The following YIPF4 variants were observed in gnomAD, a reference collection of about 807,000 sequenced individuals.
YIPF4 encodes the protein protein YIPF4.
YIPF4 carries 18 observed loss-of-function variants against 29.4 expected under a neutral mutation model. The observed-to-expected ratio is 0.61, with a 90% confidence interval of 0.42 to 0.91. The LOEUF (loss-of-function observed/expected upper bound fraction) is 0.91, where lower values mean the gene tolerates loss of function less well. YIPF4 is among the 40% of genes least tolerant of loss of function. The probability of loss-of-function intolerance (pLI) is 0.00; values close to 1 mark genes in which losing one functional copy is unlikely to be tolerated. For missense variants in YIPF4, 279 were observed against 282.7 expected (o/e 0.99, Z 0.09); for synonymous variants, 115 against 104.7 (o/e 1.10, Z -0.60).
Position 32,306,632 on chromosome 2 carries a change from T to G in YIPF4, c.*1006T>G. 1.0e-6 allele frequency: 1 copy of G among 978,622 alleles called. No homozygotes were observed. The allele number at this position is 978,622 out of a possible 1,614,324, so 60.6% of individuals were successfully genotyped here. A position where few individuals can be genotyped will look rare whatever the true frequency, so the allele number is the denominator to read the frequency against. ...TGATATTTTAACAAGTATCAGGTAC[T>G]CTCTAACAAATGTACAGTTTTTGCT... On this transcript the variant is annotated 3_prime_UTR_variant, in exon 6 of 6. Transcript: ENST00000238831.
rs1558477136 is a variant in YIPF4, at chr2:32,292,282, T to C, written c.339T>C (p.Pro113=). Residue 113 remains proline, a synonymous_variant, in exon 3 of 6, where the codon CCT becomes CCC. Transcript: ENST00000238831. ...GFNRQVVRDN[P]DFWGPLAVVL... ...ATAGACAAGTGGTGAGAGACAATCC[T>C]GACTTTTGGGGTCCTCTGGCTGTTG... The C allele has an allele frequency of 6.2e-7, 1 of 1,606,720 alleles. No homozygotes were observed. The highest frequency in any genetic ancestry group is 8.5e-7 in the Non-Finnish European group (1 of 1,175,886).
chr2:32,301,689 G>C (rs1003711970), intron 5 of YIPF4, among the ~76,000 whole-genome samples, 194 bp downstream of exon 5: 1 of 152,036 alleles, frequency 6.6e-6, no homozygotes, highest in Non-Finnish European at 1.5e-5. Flanking sequence ...AGATATTACT[G>C]TTTGTCTGGG....
At chr2:32,302,630 A>G (rs940066832) in intron 5 of YIPF4, among the ~76,000 whole-genome samples, 4 of 152,198 alleles carry the variant, frequency 2.6e-5, no homozygotes, top group South Asian at 2.1e-4. Flanking sequence ...TAACTTAAAC[A>G]TTGGAATTTA....
Position 32,278,135 on chromosome 2 carries a change from C to G in YIPF4, c.-21C>G, listed in dbSNP as rs757443057. On this transcript the variant is annotated 5_prime_UTR_variant, in exon 1 of 6. Transcript: ENST00000238831. ...CCAGCCGCAGCCTCTTCTACCGCGG[C>G]CGGTTGGGAGTCGCCGCGAGATGCA... The G allele has an allele frequency of 6.5e-6, 10 of 1,544,650 alleles. No individual in the cohort carries two copies. The highest frequency in any genetic ancestry group is 8.7e-6 in the Non-Finnish European group (10 of 1,145,674).
At chr2:32,282,000 C>T (rs2030438272) in intron 1 of YIPF4, among the ~76,000 whole-genome samples, 1 of 150,840 alleles carries the variant, frequency 6.6e-6, no homozygotes, top group Non-Finnish European at 1.5e-5. Context: ...GAGGTCTAGG[C>T]TGCAGTGAGC....
chr2:32,299,650 C>G (rs765286981), intron 4 of YIPF4, among the ~76,000 whole-genome samples: 5 of 151,496 alleles, frequency 3.3e-5, no homozygotes, highest in Non-Finnish European at 7.4e-5. Context: ...TAGGGAGACC[C>G]TATCTCTTTA....
Position 32,307,224 on chromosome 2 carries a change from C to A in YIPF4, c.*1598C>A. 2 of 1,015,342 alleles carry A rather than the reference C, an allele frequency of 2.0e-6. No individual in the cohort carries two copies. Among genetic ancestry groups the A allele is most frequent in the Non-Finnish European group, 2.6e-6 (2 of 756,468 alleles). 62.9% of individuals were successfully genotyped at this position (1,015,342 alleles called of 1,614,324 possible). A position where few individuals can be genotyped will look rare whatever the true frequency, so the allele number is the denominator to read the frequency against. ...AACATTTGTTACACTTAAGAAATTGCTGAGGTTAATACTTTGTTATAATGG... is the reference window on the plus strand; with the variant it reads ...AACATTTGTTACACTTAAGAAATTGATGAGGTTAATACTTTGTTATAATGG... On this transcript the variant is annotated 3_prime_UTR_variant, in exon 6 of 6. Coordinates refer to ENST00000238831, the MANE Select transcript of YIPF4 (RefSeq NM_032312.4).
chr2:32,292,157 T>G lies in YIPF4; in HGVS notation c.234-20T>G. 7.1e-7 allele frequency: 1 copy of G among 1,408,576 alleles called. No homozygotes were observed. The highest frequency in any genetic ancestry group is 9.3e-7 in the Non-Finnish European group (1 of 1,070,274). The allele number at this position is 1,408,576 out of a possible 1,614,324, so 87.3% of individuals were successfully genotyped here. ...TTCAGAAATGTGTGCCTTTTGAGAATTTTTATTTTAAAATTATAGGGAAGA... is the reference window on the plus strand; with the variant it reads ...TTCAGAAATGTGTGCCTTTTGAGAAGTTTTATTTTAAAATTATAGGGAAGA... On this transcript the variant is annotated intron_variant, in intron 2 of 5. Coordinates refer to ENST00000238831, the MANE Select transcript of YIPF4 (RefSeq NM_032312.4).
In YIPF4 at chr2:32,306,479, T is replaced by A. The variant is rs1178956938; in HGVS notation, c.*853T>A. ...AGTAAATATTTTTAAGTGGTACTTC[T>A]AAATCATAAAAGTTGGGGAAAGAGA... On this transcript the variant is annotated 3_prime_UTR_variant, in exon 6 of 6. Transcript: ENST00000238831. The A allele has an allele frequency of 1.0e-6, 1 of 983,628 alleles. No homozygotes were observed. The highest frequency in any genetic ancestry group is 1.2e-6 in the Non-Finnish European group (1 of 828,184). The allele number at this position is 983,628 out of a possible 1,614,324, so 60.9% of individuals were successfully genotyped here.
chr2:32,279,656 G>T (rs186933207), intron 1 of YIPF4, among the ~76,000 whole-genome samples: 2 of 150,058 alleles, frequency 1.3e-5, no homozygotes, highest in African/African-American at 4.9e-5. Flanking sequence ...TGATCCGTCC[G>T]CCTCGGCCTC....
intron 1 of YIPF4, among the ~76,000 whole-genome samples, chr2:32,283,074 CAAAA>C (rs78012507): frequency 4.4e-5 from 3 of 68,790 alleles, no homozygotes; most frequent in Admixed American, 1.7e-4. Context: ...GAGACTGTCT[CAAAA>C]AAAAAAAAAA....
At position 32,307,953 on chromosome 2, in the gene YIPF4, AAC is replaced by A. The variant is rs1210669345; in HGVS notation, c.*2328_*2329del. 4.0e-5 allele frequency: 6 copies of A among 149,414 alleles called. No homozygotes were observed. The highest frequency in any genetic ancestry group is 1.0e-4 in the African/African-American group (4 of 39,640). The allele number at this position is 149,414 out of a possible 1,614,324, so 9.3% of individuals were successfully genotyped here. On this transcript the variant is annotated 3_prime_UTR_variant, in exon 6 of 6. Transcript: ENST00000238831. ...CAAAAAAAAAAAAAAAAAAAAAAAA[AAC>A]CATGATTTGTAGATGTGTGCAAGAC...
Position 32,298,328 on chromosome 2 carries a change from G to T in YIPF4, c.483+17G>T. 1.3e-6 allele frequency: 2 copies of T among 1,563,330 alleles called. No homozygotes were observed. The highest frequency in any genetic ancestry group is 8.8e-7 in the Non-Finnish European group (1 of 1,137,866). ...GGTGGAGAAGTAAGTAGTTTATTTT[G>T]AAAATAATCTTCCTTATTTATGGTG... On this transcript the variant is annotated intron_variant, in intron 4 of 5. Transcript: ENST00000238831.
At chr2:32,301,235 T>C (rs2031392730) in intron 4 of YIPF4, 147 bp from the exon 5 acceptor site, 2 of 569,740 alleles carry the variant, frequency 3.5e-6, no homozygotes, top group Non-Finnish European at 6.2e-6. Flanking sequence ...CTATATGATA[T>C]TTTGAAATAA....
intron 1 of YIPF4, among the ~76,000 whole-genome samples, chr2:32,283,955 A>C (rs911163642): frequency 5.3e-5 from 8 of 152,018 alleles, no homozygotes; most frequent in Admixed American, 5.2e-4. Context: ...CCTGACCTCA[A>C]GTGATCCGCC....
intron 3 of YIPF4, 109 bp from the exon 4 acceptor site, chr2:32,298,125 C>T (rs555863000): frequency 9.0e-6 from 7 of 779,646 alleles, no homozygotes; most frequent in African/African-American, 1.7e-5. Context: ...CTCTCTATGA[C>T]CTGAAATTGG....
intron 3 of YIPF4, among the ~76,000 whole-genome samples, chr2:32,295,488 CTTGT>C (rs1378285556): frequency 6.6e-6 from 1 of 152,202 alleles, no homozygotes; most frequent in Non-Finnish European, 1.5e-5. Context: ...GAATCTGTTG[CTTGT>C]TTCTTTCACT....
intron 1 of YIPF4, among the ~76,000 whole-genome samples, chr2:32,280,661 C>G (rs796819500): frequency 4.6e-5 from 7 of 152,032 alleles, no homozygotes; most frequent in African/African-American, 1.7e-4. Context: ...GGATTACAGG[C>G]GTGAGCCACC....
intron 1 of YIPF4, among the ~76,000 whole-genome samples, chr2:32,284,072 CAATT>C (rs1411876861): frequency 1.3e-5 from 2 of 152,082 alleles, no homozygotes; most frequent in African/African-American, 4.8e-5. Context: ...GCCCTTCCAT[CAATT>C]AATTCATTCA....
Sources: gnomAD v4.1 joint callset for allele counts (sites outside exome capture counted in the v4.1 genomes callset) on GRCh38, gnomAD v4.1.1 for gene constraint, MANE v1.5 for transcripts, NCBI Gene and HGNC (gene_info 2026-07-23, HGNC 2026-07-21) for gene names.